The following COL13A1 variants were observed in gnomAD, a reference collection of about 807,000 sequenced individuals.
The protein encoded by COL13A1 is collagen type XIII alpha 1 chain, also known as collagen alpha-1(XIII) chain.
A neutral mutation model predicts 130.9 loss-of-function variants in COL13A1; 89 were observed. The ratio of observed to expected loss-of-function variants is 0.68; its 90% CI spans 0.57 to 0.81. The LOEUF is 0.81. Ranked by LOEUF, COL13A1 falls within the 30% of genes least tolerant of loss-of-function variation. The probability of loss-of-function intolerance (pLI) is 0.00; values close to 1 mark genes in which losing one functional copy is unlikely to be tolerated. For missense variants in COL13A1, 879 were observed against 934.6 expected (o/e 0.94, Z 0.78); for synonymous variants, 402 against 341.6 (o/e 1.18, Z -1.95).
At chr10:69,885,924 A>T (rs1343929919) in intron 7 of COL13A1, among the ~76,000 whole-genome samples, 1 of 151,842 alleles carries the variant, frequency 6.6e-6, no homozygotes, top group Non-Finnish European at 1.5e-5. Context: ...GCAGACTTCA[A>T]CTCACTCCCT....
chr10:69,822,406 C>G lies in COL13A1; in HGVS notation c.332C>G (p.Pro111Arg), dbSNP rs1232207604. Residue 111 changes from proline (P) to arginine (R), a missense_variant, in exon 2 of 41, where the codon CCA becomes CGA. Physicochemically the swap from Pro to Arg is moderately radical, Grantham distance 103 (BLOSUM62 -2). This residue lies in a region of COL13A1 where 715 missense variants were observed against 721.0 expected (regional missense o/e 0.99). Coordinates refer to ENST00000645393, the MANE Select transcript of COL13A1 (RefSeq NM_001368882.1). ...KLHSRRRREA[P>R]KTSPGCNCPP... is the part of the protein sequence containing the mutation. ...CACTCAAGGAGGCGCCGGGAGGCCC[C>G]AAAGACATCTCCAGGATGTAACTGC... is the stretch of plus-strand genomic sequence containing the variant. 1.9e-6 allele frequency: 3 copies of G among 1,594,868 alleles called. No homozygotes were observed. The Admixed American group carries it at 5.2e-5, about 28-fold the overall frequency.
intron 1 of COL13A1, among the ~76,000 whole-genome samples, chr10:69,816,795 G>A (rs1473440443): frequency 6.6e-6 from 1 of 152,176 alleles, no homozygotes; most frequent in Non-Finnish European, 1.5e-5. Flanking sequence ...TTGGCAACCC[G>A]GAGGTCACTG....
At chr10:69,842,825 C>G (rs1851959334) in intron 2 of COL13A1, among the ~76,000 whole-genome samples, 1 of 152,328 alleles carries the variant, frequency 6.6e-6, no homozygotes, top group South Asian at 2.1e-4. Flanking sequence ...AGCTCCCTGC[C>G]AGGCCTGCTG....
intron 3 of COL13A1, among the ~76,000 whole-genome samples, chr10:69,868,386 T>C (rs2058739724): frequency 6.6e-6 from 1 of 152,128 alleles, no homozygotes; most frequent in Non-Finnish European, 1.5e-5. Flanking sequence ...ATTATAGGCA[T>C]CATGCCGCAC....
chr10:69,878,007 C>G (rs2059773266), intron 5 of COL13A1, 32 bp from the exon 6 acceptor site: 2 of 702,996 alleles, frequency 2.8e-6, no homozygotes, highest in Non-Finnish European at 5.2e-6. Flanking sequence ...CCTTTCCCTT[C>G]CTGCACCCTG....
chr10:69,861,508 G>A (rs1858070720), intron 2 of COL13A1, among the ~76,000 whole-genome samples: 1 of 152,092 alleles, frequency 6.6e-6, no homozygotes, highest in Non-Finnish European at 1.5e-5. Context: ...CCCCATGCCT[G>A]GTATGAGATG....
intron 19 of COL13A1, 122 bp from the exon 20 acceptor site, chr10:69,918,940 C>T: frequency 1.8e-6 from 2 of 1,127,160 alleles, no homozygotes; most frequent in East Asian, 2.3e-5. Flanking sequence ...AGAGCCGGGG[C>T]TGGCCAGATG....
intron 2 of COL13A1, among the ~76,000 whole-genome samples, chr10:69,848,634 G>A (rs747334447): frequency 2.6e-5 from 4 of 152,206 alleles, no homozygotes; most frequent in Admixed American, 6.5e-5. Flanking sequence ...CCCACGCACC[G>A]TCCTCTCACC....
chr10:69,910,429 C>T (rs1380145228), intron 17 of COL13A1, among the ~76,000 whole-genome samples: 2 of 152,124 alleles, frequency 1.3e-5, no homozygotes, highest in Admixed American at 6.5e-5. Flanking sequence ...AGATCTGACC[C>T]ACTTGGAGGG....
intron 2 of COL13A1, among the ~76,000 whole-genome samples, chr10:69,865,883 T>C (rs1589159150): frequency 6.6e-6 from 1 of 152,048 alleles, no homozygotes; most frequent in Admixed American, 6.5e-5. Context: ...TAGAGAAGGG[T>C]CCAGAGCTCT....
rs544776509 is a variant in COL13A1 at position 69,941,342 on chromosome 10, C to A, written c.1914+319C>A. 1.1e-4 allele frequency among the ~76,000 whole-genome samples: 16 copies of A among 152,342 alleles called. No homozygotes were observed. The South Asian group carries it at 3.3e-3, about 32-fold the overall frequency. ...CTGAGTCCAGCCTGGGTGCCCAGCC[C>A]TGGAGGTTTGAGCCATGGCCTCTCC... On this transcript the variant is annotated intron_variant, in intron 35 of 40. Coordinates refer to ENST00000645393, the MANE Select transcript of COL13A1 (RefSeq NM_001368882.1).
intron 2 of COL13A1, among the ~76,000 whole-genome samples, chr10:69,864,287 T>G (rs1414743548): frequency 6.6e-6 from 1 of 150,508 alleles, no homozygotes; most frequent in Non-Finnish European, 1.5e-5. Context: ...TGTGTCTATG[T>G]CTGCCGCATA....
chr10:69,853,719 G>T (rs1855630593), intron 2 of COL13A1, among the ~76,000 whole-genome samples: 1 of 152,122 alleles, frequency 6.6e-6, no homozygotes. Context: ...ATCTTTAAAC[G>T]CAGCCATGTT....
intron 1 of COL13A1, among the ~76,000 whole-genome samples, chr10:69,809,883 G>A (rs1046141188): frequency 6.6e-6 from 1 of 152,240 alleles, no homozygotes; most frequent in Non-Finnish European, 1.5e-5. Context: ...GGGTGGATGG[G>A]TTTGTTCTTG....
chr10:69,860,653 G>A, intron 2 of COL13A1: 1 of 174,600 alleles, frequency 5.7e-6, no homozygotes, highest in South Asian at 7.5e-5. Context: ...CAGGGGCTGG[G>A]CATCACCCTC....
chr10:69,934,505 A>G (rs2066569386), intron 31 of COL13A1, among the ~76,000 whole-genome samples: 1 of 152,230 alleles, frequency 6.6e-6, no homozygotes, highest in Non-Finnish European at 1.5e-5. Context: ...TCCCCTGGCC[A>G]TGCTCCAGGG....
intron 2 of COL13A1, among the ~76,000 whole-genome samples, chr10:69,865,364 A>G (rs2058424319): frequency 6.6e-6 from 1 of 152,236 alleles, no homozygotes; most frequent in Admixed American, 6.5e-5. Flanking sequence ...TAGAGCTGCC[A>G]GGCATTGAAC....
chr10:69,909,371 G>C (rs1299051728), intron 17 of COL13A1, among the ~76,000 whole-genome samples: 1 of 152,150 alleles, frequency 6.6e-6, no homozygotes, highest in Non-Finnish European at 1.5e-5. Context: ...GGGCTGTGAG[G>C]CCATCATGCC....
At chr10:69,925,092 A>G in intron 25 of COL13A1, 85 bp downstream of exon 25, 1 of 1,368,214 alleles carries the variant, frequency 7.3e-7, no homozygotes, top group South Asian at 1.6e-5. Flanking sequence ...ATTAATATTT[A>G]GAAGTTTATT....
Sources: gnomAD v4.1 joint callset for allele counts (sites outside exome capture counted in the v4.1 genomes callset) on GRCh38, gnomAD v4.1.1 for gene constraint, gnomAD v4.1.1 regional missense constraint, MANE v1.5 for transcripts, NCBI Gene and HGNC (gene_info 2026-07-23, HGNC 2026-07-21) for gene names.